The following CUBN variants were observed in gnomAD, a reference collection of about 807,000 sequenced individuals.
CUBN encodes the protein cubilin, also known as 460 kDa receptor.
Under a neutral mutation model 405.3 loss-of-function variants are expected in CUBN, and 282 were observed. The ratio of observed to expected loss-of-function variants is 0.70; its 90% CI spans 0.63 to 0.77. The LOEUF is 0.77. CUBN is among the 30% of genes least tolerant of loss of function. The pLI is 0.00. For synonymous variants in CUBN, 1,684 were observed against 1,617.0 expected, an observed-to-expected ratio of 1.04 and a Z score of -0.99; for missense variants, 4,514 against 4,475.2, an observed-to-expected ratio of 1.01 and a Z score of -0.25.
intron 36 of CUBN, among the ~76,000 whole-genome samples, chr10:16,942,208 T>C (rs1015858451): frequency 1.3e-5 from 2 of 152,180 alleles, no homozygotes; most frequent in Admixed American, 6.5e-5. Context: ...TATATATTCC[T>C]CGTGGGACTG....
chr10:16,999,396 TTTGA>T (rs1489828171), intron 28 of CUBN, among the ~76,000 whole-genome samples: 8 of 152,224 alleles, frequency 5.3e-5, no homozygotes, highest in Admixed American at 2.0e-4. Context: ...ATCTTTTCAC[TTTGA>T]TTAACTTTAT....
Position 16,920,060 on chromosome 10 carries a change from G to C in CUBN, c.6724C>G (p.Pro2242Ala). The stretch of plus-strand genomic sequence containing the variant: ...ATCCAAATGCAATCAGCGTGCGGGG[G>C]ATAATTATGAGGGTGGTTGGGGGAG... ...VTSPNHPHNYPPHADCIWILA... is the reference protein window; with the variant it reads ...VTSPNHPHNYAPHADCIWILA... The change falls in exon 44 of 67, where the codon CCC becomes GCC. Residue 2242 changes from proline (P) to alanine (A), a missense_variant. By Grantham distance (27) the Pro-to-Ala change is conservative. Around this residue, in one of 5 missense-constraint regions of CUBN, gnomAD observed 1,613 missense variants for 1,542.8 expected, o/e 1.05. Transcript: ENST00000377833. The C allele has an allele frequency of 6.2e-7, 1 of 1,614,046 alleles. No individual in the cohort carries two copies. The highest frequency in any genetic ancestry group is 8.5e-7 in the Non-Finnish European group (1 of 1,179,978).
At chr10:17,048,418 A>G (rs1282164272) in intron 22 of CUBN, among the ~76,000 whole-genome samples, 1 of 152,012 alleles carries the variant, frequency 6.6e-6, no homozygotes, top group Non-Finnish European at 1.5e-5. Context: ...CACCCACTCA[A>G]TCTCCTATGC....
chr10:16,850,270 T>C (rs1218739377), intron 60 of CUBN, among the ~76,000 whole-genome samples: 1 of 152,228 alleles, frequency 6.6e-6, no homozygotes, highest in East Asian at 1.9e-4. Flanking sequence ...TGTCATCCCA[T>C]AATTTTCTAA....
chr10:16,829,926 G>A (rs1838926965), intron 65 of CUBN, among the ~76,000 whole-genome samples: 1 of 122,440 alleles, frequency 8.2e-6, no homozygotes. Context: ...GGTTCATGGT[G>A]GGTTTTTTTT....
intron 40 of CUBN, among the ~76,000 whole-genome samples, chr10:16,931,352 A>G (rs535838106): frequency 1.1e-4 from 16 of 152,200 alleles, no homozygotes; most frequent in Non-Finnish European, 2.4e-4. Context: ...CAGACCAGGC[A>G]CTCAATAACT....
At chr10:17,002,711 G>T (rs571730538) in intron 28 of CUBN, among the ~76,000 whole-genome samples, 2 of 152,184 alleles carry the variant, frequency 1.3e-5, no homozygotes, top group African/African-American at 4.8e-5. Context: ...CTTTAATGCT[G>T]CCTCTGATCA....
intron 28 of CUBN, among the ~76,000 whole-genome samples, chr10:17,018,505 G>A (rs74560247): frequency 4.6e-5 from 7 of 152,286 alleles, no homozygotes; most frequent in Admixed American, 2.0e-4. Context: ...GCAGACCTTC[G>A]CAGTGAGTGC....
chr10:16,851,945 C>T (rs1362770661), intron 59 of CUBN, among the ~76,000 whole-genome samples: 7 of 103,066 alleles, frequency 6.8e-5, no homozygotes, highest in Non-Finnish European at 8.1e-5. Flanking sequence ...TCCCTCCCTC[C>T]ATCTTTCCCT....
chr10:16,989,708 A>C (rs1833526293), intron 29 of CUBN, among the ~76,000 whole-genome samples: 1 of 152,128 alleles, frequency 6.6e-6, no homozygotes, highest in African/African-American at 2.4e-5. Context: ...CACCCTTCGC[A>C]GAAGTGCTGG....
intron 3 of CUBN, among the ~76,000 whole-genome samples, chr10:17,127,545 G>T (rs527412664): frequency 1.3e-5 from 2 of 151,362 alleles, no homozygotes; most frequent in East Asian, 1.9e-4. Flanking sequence ...AAACTGCTGG[G>T]ATTACAGGCA....
chr10:16,848,525 T>C (rs962925565), intron 60 of CUBN, among the ~76,000 whole-genome samples: 4 of 152,010 alleles, frequency 2.6e-5, no homozygotes, highest in African/African-American at 9.7e-5. Flanking sequence ...GACGAAATGA[T>C]GAGGAATCGG....
At chr10:16,928,810 C>G (rs1315790673) in intron 40 of CUBN, among the ~76,000 whole-genome samples, 1 of 151,948 alleles carries the variant, frequency 6.6e-6, no homozygotes, top group Non-Finnish European at 1.5e-5. Context: ...GGTTCTTTAC[C>G]CTTTTTGATA....
chr10:16,987,139 C>T (rs920204049), intron 29 of CUBN, among the ~76,000 whole-genome samples: 1 of 152,138 alleles, frequency 6.6e-6, no homozygotes, highest in African/African-American at 2.4e-5. Flanking sequence ...CTGCCTAATG[C>T]CAGTTCAGAA....
chr10:17,040,233 T>C (rs983794939), intron 27 of CUBN, among the ~76,000 whole-genome samples: 4 of 152,256 alleles, frequency 2.6e-5, no homozygotes, highest in East Asian at 1.9e-4. Context: ...TCAGAGCAAG[T>C]ACTTATCACT....
chr10:16,921,998 C>T (rs969438655), intron 43 of CUBN, among the ~76,000 whole-genome samples: 10 of 152,180 alleles, frequency 6.6e-5, no homozygotes, highest in African/African-American at 2.2e-4. Flanking sequence ...GCATCAGCCC[C>T]TCTTCCTATG....
intron 22 of CUBN, among the ~76,000 whole-genome samples, chr10:17,049,294 C>T (rs2130806): frequency 0.19 from 28,330 of 152,202 alleles, 3,074 homozygotes; most frequent in Middle Eastern, 0.3. Flanking sequence ...GTTGACAGAA[C>T]AGACAGACTC....
chr10:17,071,517 G>A lies in CUBN; in HGVS notation c.2534C>T (p.Thr845Ile). Residue 845 changes from threonine (T) to isoleucine (I), a missense_variant, in exon 19 of 67, where the codon ACC (threonine) becomes ATC (isoleucine). Physicochemically the swap from Thr to Ile is moderately conservative, Grantham distance 89. This residue lies in a region of CUBN where 1,448 missense variants were observed against 1,388.0 expected (regional missense o/e 1.04). Transcript: ENST00000377833. The part of the protein sequence containing the change: ...VYPGERTCRW[T>I]IHQPQSQVIL... ...GACTTGGCTTTGGGGCTGGTGGATG[G>A]TCCACCTACAGGTTCTTTCTCCAGG... The A allele has an allele frequency of 6.2e-7, 1 of 1,613,824 alleles. No individual in the cohort carries two copies. The highest frequency in any genetic ancestry group is 8.5e-7 in the Non-Finnish European group (1 of 1,179,820).
intron 17 of CUBN, among the ~76,000 whole-genome samples, chr10:17,075,060 TTTTC>T (rs1318420106): frequency 4.0e-5 from 6 of 148,232 alleles, no homozygotes; most frequent in Admixed American, 3.4e-4. Flanking sequence ...AAGAGAAGAT[TTTTC>T]TTTGTTTTCT....
Sources: gnomAD v4.1 joint callset for allele counts (sites outside exome capture counted in the v4.1 genomes callset) on GRCh38, gnomAD v4.1.1 for gene constraint, gnomAD v4.1.1 regional missense constraint, MANE v1.5 for transcripts, NCBI Gene and HGNC (gene_info 2026-07-23, HGNC 2026-07-21) for gene names.